EFHC1: variants seen among roughly 807,000 people sequenced by gnomAD.
The protein encoded by EFHC1 is EF-hand domain-containing protein 1.
A neutral mutation model predicts 69.9 loss-of-function variants in EFHC1; 53 were observed. The ratio of observed to expected loss-of-function variants is 0.76; its 90% CI spans 0.61 to 0.95. EFHC1 has a LOEUF of 0.95. Among genes scored for constraint, EFHC1 ranks in the 40% least tolerant of loss-of-function variants. The pLI, the probability that EFHC1 is intolerant of heterozygous loss-of-function variation, is 0.00. For missense variants in EFHC1, 739 were observed against 798.7 expected, an observed-to-expected ratio of 0.93 and a Z score of 0.90; for synonymous variants, 256 against 278.4, an observed-to-expected ratio of 0.92 and a Z score of 0.80.
At chr6:52,421,136 C>G in intron 1 of EFHC1, 1 of 810,844 alleles carries the variant, frequency 1.2e-6, no homozygotes, top group Non-Finnish European at 1.5e-6. Flanking sequence ...CTACATTTTC[C>G]ACAATTTAGT....
In EFHC1 at chr6:52,442,747, A is replaced by T. The variant is rs1272709056; in HGVS notation, c.573+4156A>T. ...TCTTTGCTATTGTGAATAGTGCCGC[A>T]ATAAACATATGTGTGCATGTGACTT... is the stretch of plus-strand genomic sequence containing the variant. On this transcript the variant is annotated intron_variant, in intron 3 of 10. Coordinates refer to ENST00000371068, the MANE Select transcript of EFHC1 (RefSeq NM_018100.4). 6.6e-5 allele frequency among the ~76,000 whole-genome samples: 10 copies of T among 152,206 alleles called. No individual in the cohort carries two copies. In the South Asian group the frequency reaches 1.2e-3, roughly 19 times the overall value.
At chr6:52,488,541 T>C (rs1441295097) in intron 9 of EFHC1, 1 of 152,202 alleles carries the variant, frequency 6.6e-6, no homozygotes, top group Non-Finnish European at 1.5e-5. Flanking sequence ...ACTATTTTGC[T>C]TTTTTCACTT....
intron 2 of EFHC1, among the ~76,000 whole-genome samples, chr6:52,429,613 A>C (rs186368615): frequency 6.6e-6 from 1 of 152,254 alleles, no homozygotes; most frequent in East Asian, 1.9e-4. Flanking sequence ...GTATAGTTTG[A>C]AATCAGGTAG....
chr6:52,457,895 A>G lies in EFHC1; in HGVS notation c.916+3608A>G, dbSNP rs144626923. ...CTTTGTTGGCTCACTCAGTCATTCG[A>G]ATAATATTAATCGAACATCCATATA... On this transcript the variant is annotated intron_variant, in intron 5 of 10. Transcript: ENST00000371068. 3.5e-3 allele frequency among the ~76,000 whole-genome samples: 530 copies of G among 152,290 alleles called. 3 individuals are homozygous for G. The highest frequency in any genetic ancestry group is 0.012 in the African/African-American group (501 of 41,556).
intron 7 of EFHC1, among the ~76,000 whole-genome samples, chr6:52,474,163 T>A (rs2114017730): frequency 6.6e-6 from 1 of 152,204 alleles, no homozygotes; most frequent in East Asian, 1.9e-4. Context: ...GATAAAAAAA[T>A]AAGTTAATTG....
intron 6 of EFHC1, among the ~76,000 whole-genome samples, chr6:52,467,199 T>A (rs988140201): frequency 1.3e-5 from 2 of 150,410 alleles, no homozygotes; most frequent in African/African-American, 5.0e-5. Flanking sequence ...TTTTTTTTTT[T>A]AAGACAGGGT....
chr6:52,476,654 G>A (rs114331536), intron 7 of EFHC1, among the ~76,000 whole-genome samples: 1 of 152,186 alleles, frequency 6.6e-6, no homozygotes, highest in African/African-American at 2.4e-5. Flanking sequence ...GGTTACTTTT[G>A]CCAAAAATGC....
chr6:52,479,967 C>G lies in EFHC1; in HGVS notation c.1640+180C>G. 6.1e-6 allele frequency: 6 copies of G among 983,116 alleles called. No individual in the cohort carries two copies. In the South Asian group the frequency reaches 8.0e-5, roughly 13 times the overall value. The allele number at this position is 983,116 out of a possible 1,614,324, so 60.9% of individuals were successfully genotyped here. A position where few individuals can be genotyped will look rare whatever the true frequency, so the allele number is the denominator to read the frequency against. On this transcript the variant is annotated intron_variant, in intron 9 of 10. Coordinates refer to ENST00000371068, the MANE Select transcript of EFHC1 (RefSeq NM_018100.4). ...AGCTAGTAACTTAGAACTTTTTCAA[C>G]TTCATTTGTTTAGCAAATACAGTTG...
At chr6:52,472,178 TA>T (rs968455252) in intron 7 of EFHC1, among the ~76,000 whole-genome samples, 25 of 150,816 alleles carry the variant, frequency 1.7e-4, no homozygotes, top group African/African-American at 4.9e-4. Context: ...AAACTTTTAA[TA>T]AAAAAAAAGA....
chr6:52,443,738 T>C lies in EFHC1; in HGVS notation c.573+5147T>C, dbSNP rs527766254. Among the ~76,000 whole-genome samples, 90 of 152,380 alleles carry C rather than the reference T, an allele frequency of 5.9e-4. No homozygotes were observed. The South Asian group carries it at 0.019, about 32-fold the overall frequency. ...AGGTAGCGTGATGCCTCCAGCTTTG[T>C]TCTTTTGGCTTAGGATTGTCTTGGC... On this transcript the variant is annotated intron_variant, in intron 3 of 10. Transcript: ENST00000371068.
chr6:52,430,568 G>C (rs564646117), intron 2 of EFHC1, among the ~76,000 whole-genome samples: 3 of 152,076 alleles, frequency 2.0e-5, no homozygotes, highest in African/African-American at 7.2e-5. Flanking sequence ...CCACTTAATC[G>C]TGGTGGATTA....
intron 2 of EFHC1, 39 bp downstream of exon 2, chr6:52,424,206 T>C (rs1267514314): frequency 6.3e-7 from 1 of 1,588,220 alleles, no homozygotes; most frequent in Non-Finnish European, 8.6e-7. Flanking sequence ...TGAATTAGGG[T>C]CTGAGAGCCA....
At chr6:52,485,180 G>T (rs962802495) in intron 9 of EFHC1, 4 of 152,114 alleles carry the variant, frequency 2.6e-5, no homozygotes, top group African/African-American at 7.2e-5. Context: ...AGCATTAAAG[G>T]CCCACTTCAT....
chr6:52,434,767 C>A (rs1764493748), intron 2 of EFHC1, among the ~76,000 whole-genome samples: 1 of 152,170 alleles, frequency 6.6e-6, no homozygotes, highest in South Asian at 2.1e-4. Context: ...CTATCCCATT[C>A]ATTCTTTGTG....
chr6:52,480,881 G>T (rs549922087), intron 9 of EFHC1, among the ~76,000 whole-genome samples: 31 of 152,278 alleles, frequency 2.0e-4, no homozygotes, highest in African/African-American at 7.2e-4. Flanking sequence ...ATTAACAATG[G>T]GCTAGATTGT....
At chr6:52,444,748 C>T (rs539196134) in intron 3 of EFHC1, among the ~76,000 whole-genome samples, 2 of 152,164 alleles carry the variant, frequency 1.3e-5, no homozygotes, top group African/African-American at 4.8e-5. Context: ...GTCTAAAATT[C>T]TCTTTTTTTG....
intron 1 of EFHC1, among the ~76,000 whole-genome samples, chr6:52,421,747 A>C (rs1413987510): frequency 4.6e-5 from 7 of 152,232 alleles, no homozygotes; most frequent in Non-Finnish European, 1.0e-4. Context: ...TTAAGACACA[A>C]CATCATAGAT....
chr6:52,448,631 C>T (rs568479135), intron 3 of EFHC1, among the ~76,000 whole-genome samples: 6 of 152,324 alleles, frequency 3.9e-5, no homozygotes, highest in African/African-American at 1.2e-4. Context: ...CCGTCTTCTG[C>T]GTTGCTCATG....
At position 52,452,751 on chromosome 6, in the gene EFHC1, A is replaced by G. The variant is rs201379297; in HGVS notation, c.637A>G (p.Thr213Ala). Residue 213 changes from threonine (T) to alanine (A), a missense_variant, in exon 4 of 11, where the codon ACT becomes GCT. By Grantham distance (58) the Thr-to-Ala change is moderately conservative (BLOSUM62 0). Transcript: ENST00000371068. ...PPEKMALDPYTELRKQPLRKY... is the reference protein window; with the variant it reads ...PPEKMALDPYAELRKQPLRKY... ...AGAGAAGATGGCTCTTGATCCTTAC[A>G]CTGAACTCCGAAAACAGCCTCTTCG... is the stretch of plus-strand genomic sequence containing the variant. The G allele has an allele frequency of 1.2e-6, 2 of 1,614,088 alleles. No individual in the cohort carries two copies. The highest frequency in any genetic ancestry group is 1.7e-6 in the Non-Finnish European group (2 of 1,180,044).
Sources: gnomAD v4.1 joint callset for allele counts (sites outside exome capture counted in the v4.1 genomes callset) on GRCh38, gnomAD v4.1.1 for gene constraint, MANE v1.5 for transcripts, NCBI Gene and HGNC (gene_info 2026-07-23, HGNC 2026-07-21) for gene names.